Variants in RFC5 observed in about 807,000 individuals in gnomAD.
The protein encoded by RFC5 is A1 36 kDa subunit.
A neutral mutation model predicts 44.3 loss-of-function variants in RFC5; 26 were observed. The ratio of observed to expected loss-of-function variants is 0.59; its 90% confidence interval spans 0.43 to 0.81. The LOEUF is 0.81. Ranked by LOEUF, RFC5 falls within the 40% of genes least tolerant of loss-of-function variation. The pLI is 0.00. For missense variants in RFC5, 328 were observed against 418.6 expected, an observed-to-expected ratio of 0.78 and a Z score of 1.89; for synonymous variants, 155 against 155.2, an observed-to-expected ratio of 1.00 and a Z score of 0.01.
At chr12:118,034,164 C>G, downstream of RFC5, 7 of 1,613,190 alleles carry the variant, frequency 4.3e-6, no homozygotes, top group Middle Eastern at 1.7e-4. Flanking sequence ...ACGATTTACC[C>G]TGCTACAAAG....
At chr12:118,028,657 AGTC>A (rs1444517475) in intron 9 of RFC5, among the ~76,000 whole-genome samples, 1 of 151,734 alleles carries the variant, frequency 6.6e-6, no homozygotes, top group African/African-American at 2.4e-5. Flanking sequence ...AAAAAAAAAA[AGTC>A]TGTCTATCTA....
At chr12:118,029,707 GTCC>G in intron 9 of RFC5, 61 bp from the exon 10 acceptor site, 1 of 1,071,278 alleles carries the variant, frequency 9.3e-7, no homozygotes, top group East Asian at 2.4e-5. Flanking sequence ...AAACTCATTT[GTCC>G]TCTGTGGGTT....
intron 1 of RFC5, among the ~76,000 whole-genome samples, chr12:118,017,208 T>G (rs5745799): frequency 0.027 from 4,070 of 152,276 alleles, 90 homozygotes; most frequent in Admixed American, 0.068. Flanking sequence ...ATGGCCTCCA[T>G]GCCAAAATGC....
downstream of RFC5, chr12:118,035,968 T>C (rs1593461871): frequency 5.9e-6 from 1 of 168,424 alleles, no homozygotes; most frequent in Non-Finnish European, 1.3e-5. Context: ...TTTGGGAGAC[T>C]GAGGCGGTGG....
At position 118,019,709 on chromosome 12, in the gene RFC5, A is replaced by G. The variant is rs139655351; in HGVS notation, c.208A>G (p.Ile70Val). 1 of 1,613,802 alleles carries G rather than the reference A, an allele frequency of 6.2e-7. No individual in the cohort carries two copies. Among genetic ancestry groups the G allele is most frequent in the African/African-American group, 1.3e-5 (1 of 75,020 alleles). Residue 70 changes from isoleucine to valine, a missense_variant, in exon 3 of 11, where the codon ATC (isoleucine) becomes GTC (valine). Coordinates refer to ENST00000454402, the MANE Select transcript of RFC5 (RefSeq NM_007370.7). The surrounding 1 kb of genome is among the most constrained non-coding windows in gnomAD (Gnocchi z 4.2). ...GPPGTGKTSTILACAKQLYKD... is the reference protein window; with the variant it reads ...GPPGTGKTSTVLACAKQLYKD... ...CCCAGGGACAGGCAAGACATCTACC[A>G]TCCTAGCCTGTGCGAAACAGCTATA...
At chr12:118,037,387 C>T (rs2031534503), downstream of RFC5, among the ~76,000 whole-genome samples, 1 of 152,138 alleles carries the variant, frequency 6.6e-6, no homozygotes, top group Non-Finnish European at 1.5e-5. Flanking sequence ...AACCCTCAGG[C>T]CAGGCGCGGT....
chr12:118,031,306 A>C lies in RFC5; in HGVS notation c.*28A>C. ...GCTCTGAGGGCCATTCACAATTCTCAGGGCTCAGCAGTGATGGGAGAACAG... is the reference window on the plus strand; with the variant it reads ...GCTCTGAGGGCCATTCACAATTCTCCGGGCTCAGCAGTGATGGGAGAACAG... On this transcript the variant is annotated 3_prime_UTR_variant, in exon 11 of 11. Coordinates refer to ENST00000454402, the MANE Select transcript of RFC5 (RefSeq NM_007370.7). 35 of 1,432,900 alleles carry C rather than the reference A, an allele frequency of 2.4e-5. No homozygotes were observed. The highest frequency in any genetic ancestry group is 3.3e-5 in the Non-Finnish European group (34 of 1,016,566). The allele number at this position is 1,432,900 out of a possible 1,614,324, so 88.8% of individuals were successfully genotyped here. A position where few individuals can be genotyped will look rare whatever the true frequency, so the allele number is the denominator to read the frequency against.
intron 4 of RFC5, 72 bp downstream of exon 4, chr12:118,021,057 C>A: frequency 2.2e-6 from 2 of 921,928 alleles, no homozygotes; most frequent in Non-Finnish European, 3.5e-6. Context: ...TTTTTTAATC[C>A]TCTCCTTAGC....
the RFC5 span, chr12:118,038,163 G>A: frequency 1.2e-6 from 1 of 820,334 alleles, no homozygotes; most frequent in Non-Finnish European, 1.8e-6. Flanking sequence ...TGGTGGCCAT[G>A]GCCCACCAGC....
chr12:118,025,848 CT>C lies in RFC5; in HGVS notation c.663+38del, dbSNP rs750369555. 172,315 of 980,260 alleles carry C rather than the reference CT, an allele frequency of 0.18. 3 individuals are homozygous for C. Among genetic ancestry groups the C allele is most frequent in the East Asian group, 0.21 (7,944 of 37,086 alleles). 60.7% of individuals were successfully genotyped at this position (980,260 alleles called of 1,614,324 possible). ...TTGCAGGTATGGTCTCAAGCAAATCCTTTTTTTTTTTTTTTTTTGAGACAGA... is the reference window on the plus strand; with the variant it reads ...TTGCAGGTATGGTCTCAAGCAAATCCTTTTTTTTTTTTTTTTTGAGACAGA... On this transcript the variant is annotated intron_variant, in intron 7 of 10. Transcript: ENST00000454402.
chr12:118,019,609 C>T lies in RFC5; in HGVS notation c.131-23C>T, dbSNP rs763415080. On this transcript the variant is annotated intron_variant, in intron 2 of 10. Transcript: ENST00000454402. This position sits in a 1 kb window ranked among gnomAD's most constrained non-coding sequence, Gnocchi z 4.2. The stretch of plus-strand genomic sequence containing the variant: ...GGCAGCTCCCAAAGACTGATGGTGC[C>T]CTTCTTCCTTCCTGATCCTCAGTTC... 9.3e-6 allele frequency: 15 copies of T among 1,613,658 alleles called. No homozygotes were observed. The highest frequency in any genetic ancestry group is 1.6e-4 in the Middle Eastern group (1 of 6,078).
In RFC5 at chr12:118,019,638, A is replaced by G. The variant is rs759764081; in HGVS notation, c.137A>G (p.Lys46Arg). The change falls in exon 3 of 11, where the codon AAG (lysine) becomes AGG (arginine). Residue 46 changes from lysine (K) to arginine (R), a missense_variant. By Grantham distance (26) the Lys-to-Arg change is conservative (BLOSUM62 2). Coordinates refer to ENST00000454402, the MANE Select transcript of RFC5 (RefSeq NM_007370.7). The surrounding 1 kb of genome is among the most constrained non-coding windows in gnomAD (Gnocchi z 4.2). ...CTTCCTTCCTGATCCTCAGTTCAGAAGTTTATCAATGAAGACCGACTGCCA... is the reference window on the plus strand; with the variant it reads ...CTTCCTTCCTGATCCTCAGTTCAGAGGTTTATCAATGAAGACCGACTGCCA... ...SHQDILSTIQ[K>R]FINEDRLPHL... is the part of the protein sequence containing the mutation. 1.2e-6 allele frequency: 2 copies of G among 1,613,904 alleles called. No individual in the cohort carries two copies. Among genetic ancestry groups the G allele is most frequent in the Non-Finnish European group, 1.7e-6 (2 of 1,179,938 alleles).
At chr12:118,023,415 G>GGGGGC (rs1566123934) in intron 5 of RFC5, among the ~76,000 whole-genome samples, 2 of 22,822 alleles carry the variant, frequency 8.8e-5, no homozygotes, top group African/African-American at 2.9e-4. Flanking sequence ...AGGAGGAGGG[G>GGGGGC]GGAGGAGGGG....
Position 118,025,848 on chromosome 12 carries a change from CTTT to C in RFC5, c.663+36_663+38del, listed in dbSNP as rs750369555. The C allele has an allele frequency of 9.4e-3, 9,325 of 988,556 alleles. No individual in the cohort carries two copies. Among genetic ancestry groups the C allele is most frequent in the Middle Eastern group, 0.011 (33 of 3,006 alleles). The allele number at this position is 988,556 out of a possible 1,614,324, so 61.2% of individuals were successfully genotyped here. A position where few individuals can be genotyped will look rare whatever the true frequency, so the allele number is the denominator to read the frequency against. On this transcript the variant is annotated intron_variant, in intron 7 of 10. Transcript: ENST00000454402. ...TTGCAGGTATGGTCTCAAGCAAATC[CTTT>C]TTTTTTTTTTTTTTTGAGACAGAGT...
At chr12:118,039,548 T>G in the RFC5 span, among the ~76,000 whole-genome samples, 1 of 151,924 alleles carries the variant, frequency 6.6e-6, no homozygotes, top group African/African-American at 2.4e-5. Context: ...TATATACTCC[T>G]AACACAGGGT....
At chr12:118,023,537 A>T (rs923315084) in intron 5 of RFC5, among the ~76,000 whole-genome samples, 3 of 151,094 alleles carry the variant, frequency 2.0e-5, no homozygotes, top group African/African-American at 7.3e-5. Context: ...GACAGCGAGA[A>T]TATCTTCTGG....
At chr12:118,033,547 T>TTA (rs796773753), downstream of RFC5, 1 of 130,852 alleles carries the variant, frequency 7.6e-6, no homozygotes, top group Non-Finnish European at 1.7e-5. Context: ...ACACCATTGT[T>TTA]AAAAAAAAAA....
Position 118,024,997 on chromosome 12 carries a change from G to A in RFC5, c.568G>A (p.Val190Met), listed in dbSNP as rs760544254. Residue 190 changes from valine to methionine, a missense_variant, in exon 6 of 11, where the codon GTG becomes ATG. By Grantham distance (21) the Val-to-Met change is conservative. Transcript: ENST00000454402. ...ELMVPRLEHV[V>M]EEEKVDISED... The stretch of plus-strand genomic sequence containing the variant: ...CATGGTTCCCCGCCTGGAACATGTC[G>A]TGGAAGAAGAGAAGTGAGTATTTTG... The A allele has an allele frequency of 8.7e-6, 14 of 1,613,154 alleles. No individual in the cohort carries two copies. The African/African-American group carries it at 1.1e-4, about 12-fold the overall frequency.
chr12:118,017,020 G>C (rs1566118755), intron 1 of RFC5, 128 bp downstream of exon 1: 1 of 752,232 alleles, frequency 1.3e-6, no homozygotes, highest in East Asian at 2.7e-5. Flanking sequence ...GCCTGCAGCC[G>C]GGACCGACCT....
Sources: allele counts gnomAD v4.1 joint callset (sites outside exome capture counted in the v4.1 genomes callset), GRCh38; gene constraint gnomAD v4.1.1; non-coding constraint Gnocchi (gnomAD v3.1); transcripts MANE v1.5; gene names NCBI Gene and HGNC (gene_info 2026-07-23, HGNC 2026-07-21).